The following ADAM32 variants were observed in gnomAD, a reference collection of about 807,000 sequenced individuals.
ADAM32 encodes the protein ADAM metallopeptidase domain 32.
ADAM32 carries 89 observed loss-of-function variants against 114.9 expected under a neutral mutation model. The ratio of observed to expected loss-of-function variants is 0.77; its 90% CI spans 0.65 to 0.92. ADAM32 has a LOEUF of 0.92. ADAM32 is among the 40% of genes least tolerant of loss of function. The pLI, the probability that ADAM32 is intolerant of heterozygous loss-of-function variation, is 0.00. For missense variants in ADAM32, 870 were observed against 932.8 expected, an observed-to-expected ratio of 0.93 and a Z score of 0.88; for synonymous variants, 285 against 307.5, an observed-to-expected ratio of 0.93 and a Z score of 0.77.
intron 19 of ADAM32, among the ~76,000 whole-genome samples, chr8:39,262,859 C>T (rs1812128653): frequency 1.3e-5 from 2 of 152,092 alleles, no homozygotes; most frequent in South Asian, 2.1e-4. Context: ...GTGCGTGCCA[C>T]CATGCCTGTC....
chr8:39,118,513 A>G (rs902408161), intron 2 of ADAM32, among the ~76,000 whole-genome samples: 3 of 152,148 alleles, frequency 2.0e-5, no homozygotes, highest in African/African-American at 7.2e-5. Flanking sequence ...CTGTTTCTCA[A>G]TCTCCACCCC....
chr8:39,165,179 T>C lies in ADAM32; in HGVS notation c.816T>C (p.Asp272=). 4.5e-6 allele frequency: 7 copies of C among 1,568,390 alleles called. No homozygotes were observed. Among genetic ancestry groups the C allele is most frequent in the Non-Finnish European group, 6.1e-6 (7 of 1,154,340 alleles). ...KQSYLNLRPH[D]IAYLLIYMDY... ...CTTATCTTAACCTAAGGCCTCATGA[T>C]ATTGCATATCTACTAATGTAAGAAT... is the stretch of plus-strand genomic sequence containing the variant. The change falls in exon 9 of 25, where the codon GAT becomes GAC. Residue 272 remains aspartate (D), a synonymous_variant. Coordinates refer to ENST00000379907, the MANE Select transcript of ADAM32 (RefSeq NM_145004.7).
At chr8:39,157,565 G>A in intron 6 of ADAM32, 2 of 521,898 alleles carry the variant, frequency 3.8e-6, no homozygotes, top group Non-Finnish European at 3.7e-6. Flanking sequence ...TTGCAATCTG[G>A]TCTTTCTTGA....
intron 2 of ADAM32, among the ~76,000 whole-genome samples, chr8:39,118,430 T>A (rs1427258987): frequency 2.0e-5 from 3 of 152,152 alleles, no homozygotes; most frequent in Non-Finnish European, 4.4e-5. Context: ...TTTATCTGAG[T>A]GATATCTAGG....
At chr8:39,203,935 T>C (rs997511750) in intron 11 of ADAM32, among the ~76,000 whole-genome samples, 1 of 152,190 alleles carries the variant, frequency 6.6e-6, no homozygotes, top group African/African-American at 2.4e-5. Context: ...AAAATTCTTT[T>C]CTTTAAGAAT....
intron 2 of ADAM32, among the ~76,000 whole-genome samples, chr8:39,129,424 G>T (rs1408344284): frequency 6.6e-6 from 1 of 151,950 alleles, no homozygotes; most frequent in Non-Finnish European, 1.5e-5. Context: ...GTTTATTGGG[G>T]TTTTTCAAAT....
chr8:39,160,773 C>A, intron 6 of ADAM32, 124 bp from the exon 7 acceptor site: 2 of 815,088 alleles, frequency 2.5e-6, no homozygotes, highest in Non-Finnish European at 1.8e-6. Context: ...TAATTTTAAC[C>A]AATTTGATAA....
intron 10 of ADAM32, among the ~76,000 whole-genome samples, chr8:39,172,300 T>C (rs1419668471): frequency 6.6e-6 from 1 of 152,174 alleles, no homozygotes; most frequent in Non-Finnish European, 1.5e-5. Context: ...TTGCAAACAT[T>C]GAGCTATTTT....
At chr8:39,210,429 G>T (rs891282672) in intron 11 of ADAM32, among the ~76,000 whole-genome samples, 1 of 152,120 alleles carries the variant, frequency 6.6e-6, no homozygotes, top group African/African-American at 2.4e-5. Flanking sequence ...GTGTTTTCTT[G>T]CATGGATAAT....
At chr8:39,164,243 T>C (rs1804693014) in intron 7 of ADAM32, among the ~76,000 whole-genome samples, 1 of 152,214 alleles carries the variant, frequency 6.6e-6, no homozygotes. Context: ...CTGTATCCTT[T>C]TGAGATTATG....
intron 1 of ADAM32, among the ~76,000 whole-genome samples, chr8:39,115,817 G>A (rs2129444208): frequency 6.6e-6 from 1 of 152,252 alleles, no homozygotes; most frequent in East Asian, 1.9e-4. Context: ...CCTTTGCCAA[G>A]ACAAAGATGT....
intron 6 of ADAM32, among the ~76,000 whole-genome samples, chr8:39,155,830 T>A (rs1276288502): frequency 1.3e-5 from 2 of 152,218 alleles, no homozygotes; most frequent in Non-Finnish European, 2.9e-5. Context: ...TCATTTATTT[T>A]TCTTTATGTA....
chr8:39,206,248 T>C (rs1291478781), intron 11 of ADAM32, among the ~76,000 whole-genome samples: 2 of 152,206 alleles, frequency 1.3e-5, no homozygotes, highest in Non-Finnish European at 2.9e-5. Context: ...CCAGGTTTAT[T>C]GGTCCTTCAG....
rs890124603 is a variant in ADAM32, at chr8:39,232,038, G to A, written c.1537G>A (p.Ala513Thr). 2 of 1,610,216 alleles carry A rather than the reference G, an allele frequency of 1.2e-6. No homozygotes were observed. The change falls in exon 15 of 25, where the codon GCT (alanine) becomes ACT (threonine). Residue 513 changes from alanine to threonine, a missense_variant. By Grantham distance (58) the Ala-to-Thr change is moderately conservative. Coordinates refer to ENST00000379907, the MANE Select transcript of ADAM32 (RefSeq NM_145004.7). ...TCTAACTTTAACAGGTTCAAGAAAT[G>A]CTCCATTTGCCTGCTATGAAGAAAT... is the stretch of plus-strand genomic sequence containing the variant. ...ESVFGKGSRN[A>T]PFACYEEIQS... is the part of the protein sequence containing the mutation.
chr8:39,200,211 T>C (rs1807304013), intron 11 of ADAM32, among the ~76,000 whole-genome samples: 1 of 152,234 alleles, frequency 6.6e-6, no homozygotes, highest in African/African-American at 2.4e-5. Context: ...TCTTCCACAA[T>C]GGTTGAACTA....
chr8:39,225,430 G>C (rs1425718315), intron 14 of ADAM32, among the ~76,000 whole-genome samples: 1 of 152,178 alleles, frequency 6.6e-6, no homozygotes, highest in African/African-American at 2.4e-5. Context: ...GTCTCTTCAT[G>C]TGTGTTTGTG....
At chr8:39,205,070 G>A (rs1807725482) in intron 11 of ADAM32, among the ~76,000 whole-genome samples, 1 of 152,204 alleles carries the variant, frequency 6.6e-6, no homozygotes, top group Non-Finnish European at 1.5e-5. Flanking sequence ...GCTACTCGGG[G>A]GTCAGGGACC....
rs535669273 is a variant in ADAM32 at position 39,218,510 on chromosome 8, T to C, written c.1234-3100T>C. 2.9e-4 allele frequency among the ~76,000 whole-genome samples: 44 copies of C among 152,300 alleles called. No individual in the cohort carries two copies. In the South Asian group the frequency reaches 8.1e-3, roughly 28 times the overall value. On this transcript the variant is annotated intron_variant, in intron 12 of 24. Transcript: ENST00000379907. ...GAGATGCCATCCTGGAGCCAGGGAT[T>C]GGAGTCAGAAACCTTAGAAATACAC...
At chr8:39,125,191 G>T (rs1186361808) in intron 2 of ADAM32, among the ~76,000 whole-genome samples, 1 of 152,072 alleles carries the variant, frequency 6.6e-6, no homozygotes, top group Non-Finnish European at 1.5e-5. Context: ...TTTTAATGGA[G>T]TTTTTTGTTT....
Sources: gnomAD v4.1 joint callset for allele counts (sites outside exome capture counted in the v4.1 genomes callset) on GRCh38, gnomAD v4.1.1 for gene constraint, MANE v1.5 for transcripts, NCBI Gene and HGNC (gene_info 2026-07-23, HGNC 2026-07-21) for gene names.